Variants in GPHN observed in about 807,000 individuals in gnomAD.
The protein encoded by GPHN is gephyrin.
GPHN carries 17 observed loss-of-function variants against 95.5 expected under a neutral mutation model. The observed-to-expected ratio is 0.18, with a 90% CI of 0.12 to 0.27. The LOEUF is 0.27. Ranked by LOEUF, GPHN falls within the 10% of genes least tolerant of loss-of-function variation. The pLI is 1.00. For missense variants in GPHN, 660 were observed against 978.1 expected, an observed-to-expected ratio of 0.67 and a Z score of 4.34; for synonymous variants, 320 against 322.5, an observed-to-expected ratio of 0.99 and a Z score of 0.08.
chr14:67,231,684 T>C, the GPHN span, among the ~76,000 whole-genome samples: 29 of 152,230 alleles, frequency 1.9e-4, no homozygotes, highest in East Asian at 4.8e-3. Flanking sequence ...TATACCTCAA[T>C]AGGCCAAGCT....
chr14:66,776,206 T>C (rs1483721511), intron 2 of GPHN, among the ~76,000 whole-genome samples: 1 of 152,170 alleles, frequency 6.6e-6, no homozygotes, highest in Non-Finnish European at 1.5e-5. Flanking sequence ...GTTTCAGCAT[T>C]ATTAAAATCA....
At chr14:67,381,050 T>C in the GPHN span, among the ~76,000 whole-genome samples, 1,362 of 152,288 alleles carry the variant, frequency 8.9e-3, 21 homozygotes, top group African/African-American at 0.031. Context: ...TTTAAAATAT[T>C]CCAAATTTTT....
At chr14:67,332,953 G>T in the GPHN span, 1 of 1,602,648 alleles carries the variant, frequency 6.2e-7, no homozygotes, top group Non-Finnish European at 8.5e-7. Flanking sequence ...CTTGGCTGAG[G>T]TGAAAGAAAC....
intron 13 of GPHN, among the ~76,000 whole-genome samples, chr14:67,105,508 A>G (rs2077985673): frequency 6.6e-6 from 1 of 152,130 alleles, no homozygotes; most frequent in African/African-American, 2.4e-5. Flanking sequence ...ATAGTGGGTG[A>G]TCCCATGTTC....
intron 4 of GPHN, among the ~76,000 whole-genome samples, chr14:66,826,349 T>G (rs2061384587): frequency 6.6e-6 from 1 of 152,142 alleles, no homozygotes; most frequent in Admixed American, 6.6e-5. Context: ...TGTGGGTTTT[T>G]TTACTCGAAC....
the GPHN span, chr14:67,303,428 T>TTTAGG: frequency 1.0e-6 from 1 of 976,574 alleles, no homozygotes; most frequent in African/African-American, 1.6e-5. Context: ...GGAGGGGTTC[T>TTTAGG]GAAATAGTCC....
the GPHN span, among the ~76,000 whole-genome samples, chr14:67,258,183 TG>T: frequency 1.3e-5 from 2 of 151,970 alleles, no homozygotes; most frequent in African/African-American, 4.8e-5. Flanking sequence ...TACCAGTAGA[TG>T]GGAAGTCTAT....
the GPHN span, among the ~76,000 whole-genome samples, chr14:67,696,681 G>C: frequency 1.1e-4 from 17 of 152,122 alleles, no homozygotes; most frequent in Non-Finnish European, 2.5e-4. Flanking sequence ...CTTGAATTAA[G>C]GCCATGAATA....
rs147817823 is a variant in GPHN at position 67,011,461 on chromosome 14, C to A, written c.964-12172C>A. 2.7e-5 allele frequency among the ~76,000 whole-genome samples: 4 copies of A among 148,928 alleles called. No homozygotes were observed. In the East Asian group the frequency reaches 8.0e-4, roughly 30 times the overall value. ...GATGTCACATGCCTATGGTCCCAAG[C>A]TACTCAGGAGGCTGAGGTGGGAGGA... On this transcript the variant is annotated intron_variant, in intron 9 of 22. Coordinates refer to ENST00000478722, the MANE Select transcript of GPHN (RefSeq NM_020806.5).
chr14:66,859,134 G>A (rs1418137096), intron 4 of GPHN, among the ~76,000 whole-genome samples: 3 of 152,204 alleles, frequency 2.0e-5, no homozygotes, highest in East Asian at 1.9e-4. Context: ...TCTGTTAATC[G>A]TACAGCCTTA....
At chr14:67,320,069 GTATTA>G in the GPHN span, among the ~76,000 whole-genome samples, 2 of 152,154 alleles carry the variant, frequency 1.3e-5, no homozygotes, top group Non-Finnish European at 2.9e-5. Context: ...AATAGAAGGA[GTATTA>G]TATTGTTGTC....
intron 1 of GPHN, among the ~76,000 whole-genome samples, chr14:66,556,044 T>A (rs1183323289): frequency 6.6e-6 from 1 of 152,168 alleles, no homozygotes; most frequent in Non-Finnish European, 1.5e-5. Flanking sequence ...CAAACCTGTA[T>A]AAATGTTACT....
the GPHN span, among the ~76,000 whole-genome samples, chr14:67,485,448 T>C: frequency 6.6e-6 from 1 of 152,138 alleles, no homozygotes; most frequent in Non-Finnish European, 1.5e-5. Context: ...CTACCTAAAG[T>C]GGAAAAAGAC....
chr14:67,290,089 CT>C, the GPHN span, among the ~76,000 whole-genome samples: 4 of 151,920 alleles, frequency 2.6e-5, no homozygotes, highest in Admixed American at 1.3e-4. Flanking sequence ...CTTTTTTATA[CT>C]GTCTTTGACT....
intron 13 of GPHN, among the ~76,000 whole-genome samples, chr14:67,102,160 C>T (rs1245795089): frequency 6.6e-6 from 1 of 151,998 alleles, no homozygotes. Flanking sequence ...GCGTGAGCCA[C>T]CGCGCCCGGC....
the GPHN span, among the ~76,000 whole-genome samples, chr14:67,400,847 G>A: frequency 4.6e-5 from 7 of 151,912 alleles, no homozygotes; most frequent in Non-Finnish European, 1.0e-4. Flanking sequence ...AAAATTAGCT[G>A]GGCATGGTGG....
At chr14:67,479,110 T>C in the GPHN span, among the ~76,000 whole-genome samples, 5 of 152,192 alleles carry the variant, frequency 3.3e-5, no homozygotes, top group Non-Finnish European at 7.3e-5. Flanking sequence ...AAATTTCATC[T>C]TAAAAATGCT....
chr14:66,795,595 C>T (rs773072875), intron 3 of GPHN, among the ~76,000 whole-genome samples: 8 of 151,928 alleles, frequency 5.3e-5, no homozygotes, highest in Non-Finnish European at 1.2e-4. Flanking sequence ...TTTTTAAGGA[C>T]TACCCAAGGG....
chr14:67,253,355 G>A, the GPHN span, among the ~76,000 whole-genome samples: 3 of 152,176 alleles, frequency 2.0e-5, no homozygotes, highest in Non-Finnish European at 4.4e-5. Flanking sequence ...ATTGTATGTT[G>A]AGGTCAGCTT....
Sources: gnomAD v4.1 joint callset for allele counts (sites outside exome capture counted in the v4.1 genomes callset) on GRCh38, gnomAD v4.1.1 for gene constraint, MANE v1.5 for transcripts, NCBI Gene and HGNC (gene_info 2026-07-23, HGNC 2026-07-21) for gene names.